Variants in INTS14 observed in about 807,000 individuals in gnomAD.
INTS14 encodes integrator complex subunit 14, also known as UPF0464 protein C15orf44.
In INTS14, 27 loss-of-function variants were observed where a neutral mutation model predicts 56.9. The observed-to-expected ratio is 0.47, with a 90% CI of 0.35 to 0.65. INTS14 has a LOEUF of 0.65. Ranked by LOEUF, INTS14 falls within the 30% of genes least tolerant of loss-of-function variation. The probability of loss-of-function intolerance (pLI) is 0.00; values close to 1 mark genes in which losing one functional copy is unlikely to be tolerated. For synonymous variants in INTS14, 207 were observed against 236.2 expected, an observed-to-expected ratio of 0.88 and a Z score of 1.13; for missense variants, 517 against 632.2, an observed-to-expected ratio of 0.82 and a Z score of 1.95.
Position 65,595,810 on chromosome 15 carries a change from C to T in INTS14, c.764G>A (p.Gly255Glu). Residue 255 changes from glycine to glutamate, a missense_variant, in exon 7 of 12, where the codon GGA becomes GAA. Gly to Glu is a moderately conservative substitution (Grantham distance 98). Transcript: ENST00000313182. ...KVINTDLEIV[G>E]FIDIADISSP... The stretch of plus-strand genomic sequence containing the variant: ...TGAAATATCAGCTATATCAATAAAT[C>T]CCACTATTTCCAAATCTGAAATGAA... The T allele has an allele frequency of 6.2e-7, 1 of 1,602,438 alleles. No individual in the cohort carries two copies. The highest frequency in any genetic ancestry group is 8.5e-7 in the Non-Finnish European group (1 of 1,176,694).
At chr15:65,587,468 T>C (rs2072867939) in intron 9 of INTS14, among the ~76,000 whole-genome samples, 1 of 152,104 alleles carries the variant, frequency 6.6e-6, no homozygotes, top group Non-Finnish European at 1.5e-5. Context: ...GGACAAAAAG[T>C]TGCAAAACAA....
intron 5 of INTS14, 46 bp from the exon 6 acceptor site, chr15:65,598,509 T>C (rs1440378480): frequency 2.6e-6 from 4 of 1,568,116 alleles, no homozygotes; most frequent in East Asian, 4.5e-5. Flanking sequence ...ATACGATACA[T>C]ATGAAGTTAA....
Position 65,591,479 on chromosome 15 carries a change from C to G in INTS14, c.1120+119G>C, listed in dbSNP as rs1002447990. The G allele has an allele frequency of 2.6e-5, 35 of 1,358,930 alleles. No individual in the cohort carries two copies. The South Asian group carries it at 2.9e-4, about 11-fold the overall frequency. 84.2% of individuals were successfully genotyped at this position (1,358,930 alleles called of 1,614,324 possible). On this transcript the variant is annotated intron_variant, in intron 9 of 11. Coordinates refer to ENST00000313182, the MANE Select transcript of INTS14 (RefSeq NM_001394796.1). ...TTCACCGTACACATCCAGCATCATCCGAGACCATGGCATACCAGTAAGGGA... is the reference window on the plus strand; with the variant it reads ...TTCACCGTACACATCCAGCATCATCGGAGACCATGGCATACCAGTAAGGGA...
chr15:65,588,819 T>A (rs1389698614), intron 9 of INTS14, among the ~76,000 whole-genome samples: 3 of 152,014 alleles, frequency 2.0e-5, no homozygotes, highest in Admixed American at 6.5e-5. Flanking sequence ...CCCTCTGAGG[T>A]AAGTTTTATT....
At chr15:65,610,795 C>T in intron 1 of INTS14, 1 of 1,535,430 alleles carries the variant, frequency 6.5e-7, no homozygotes, top group Non-Finnish European at 8.7e-7. Flanking sequence ...TGTATTTTTA[C>T]CTTAAAAATC....
intron 3 of INTS14, among the ~76,000 whole-genome samples, chr15:65,603,597 C>G (rs1419925614): frequency 2.6e-5 from 4 of 152,078 alleles, no homozygotes; most frequent in African/African-American, 9.7e-5. Context: ...AGGTGTGAGC[C>G]ACCATGCCTA....
intron 1 of INTS14, among the ~76,000 whole-genome samples, chr15:65,610,342 G>C (rs2073855112): frequency 6.6e-6 from 1 of 152,196 alleles, no homozygotes; most frequent in South Asian, 2.1e-4. Flanking sequence ...CTGGGCGACA[G>C]AGCGAGACTC....
chr15:65,598,255 A>T, intron 6 of INTS14, 66 bp downstream of exon 6: 1 of 1,491,568 alleles, frequency 6.7e-7, no homozygotes, highest in South Asian at 1.2e-5. Flanking sequence ...AGAGAGTAAA[A>T]GTCACAAGTC....
intron 7 of INTS14, 112 bp from the exon 8 acceptor site, chr15:65,593,684 G>C: frequency 8.0e-7 from 1 of 1,249,232 alleles, no homozygotes; most frequent in Non-Finnish European, 1.1e-6. Context: ...GAGTTCTAAG[G>C]GAATATTATA....
intron 8 of INTS14, among the ~76,000 whole-genome samples, chr15:65,592,021 G>T (rs1419461249): frequency 6.6e-6 from 1 of 152,250 alleles, no homozygotes; most frequent in African/African-American, 2.4e-5. Flanking sequence ...AGTAGCTGGA[G>T]AGGTGATGAG....
At chr15:65,579,766 A>C in intron 11 of INTS14, 107 bp from the exon 12 acceptor site, 1 of 1,432,526 alleles carries the variant, frequency 7.0e-7, no homozygotes. Flanking sequence ...TTTAGGGAGC[A>C]ATTTTATATG....
rs774891347 is a variant in INTS14, at chr15:65,607,429, T to C, written c.-49A>G. 1.7e-5 allele frequency: 27 copies of C among 1,602,368 alleles called. No individual in the cohort carries two copies. The highest frequency in any genetic ancestry group is 2.1e-5 in the Non-Finnish European group (25 of 1,171,330). The stretch of plus-strand genomic sequence containing the variant: ...CAATCAGAATGCAAACAGACAGCTA[T>C]AAACGAAGAAATGCTGCAGAAAATA... On this transcript the variant is annotated 5_prime_UTR_variant, in exon 2 of 12. Transcript: ENST00000313182.
In INTS14 at chr15:65,593,504, C is replaced by A. The variant is rs1170509130; in HGVS notation, c.910G>T (p.Gly304Cys). The A allele has an allele frequency of 6.2e-7, 1 of 1,613,704 alleles. No homozygotes were observed. Among genetic ancestry groups the A allele is most frequent in the Non-Finnish European group, 8.5e-7 (1 of 1,179,906 alleles). ...EDENSANQIA[G>C]KIPNFCVLLH... ...AGGACACAAAAGTTGGGTATTTTGC[C>A]TGCAATCTGATTGGCTGAATTTTCA... Residue 304 changes from glycine (G) to cysteine (C), a missense_variant, in exon 8 of 12, where the codon GGC (glycine) becomes TGC (cysteine). Gly to Cys is a radical substitution (Grantham distance 159). Coordinates refer to ENST00000313182, the MANE Select transcript of INTS14 (RefSeq NM_001394796.1).
rs560267609 is a variant in INTS14, at chr15:65,583,744, T to TA, written c.1239+1025dup. On this transcript the variant is annotated intron_variant, in intron 10 of 11. Transcript: ENST00000313182. ...TAGTGAAGATTCAAACAAAAAAAATTAAAAAAAATAATTTAAGAAAAGCTC... is the reference window on the plus strand; with the variant it reads ...TAGTGAAGATTCAAACAAAAAAAATTAAAAAAAAATAATTTAAGAAAAGCTC... Among the ~76,000 whole-genome samples the TA allele has an allele frequency of 1.6e-3, 250 of 151,996 alleles. 1 individual carries two copies. Among genetic ancestry groups the TA allele is most frequent in the African/African-American group, 5.5e-3 (227 of 41,430 alleles).
Position 65,598,399 on chromosome 15 carries a change from C to T in INTS14, c.670G>A (p.Asp224Asn). The change falls in exon 6 of 12, where the codon GAT becomes AAT. Residue 224 changes from aspartate to asparagine, a missense_variant. Asp to Asn is a conservative substitution (Grantham distance 23, BLOSUM62 1). Transcript: ENST00000313182. ...TCTGGCCTGGGGAAGACTTGTACATCAGCAGTTAGGTGGCCACACTTGAGA... is the reference window on the plus strand; with the variant it reads ...TCTGGCCTGGGGAAGACTTGTACATTAGCAGTTAGGTGGCCACACTTGAGA... ...AVLKCGHLTA[D>N]VQVFPRPEPF... is the part of the protein sequence containing the mutation. 1.2e-6 allele frequency: 2 copies of T among 1,614,064 alleles called. No homozygotes were observed. Among genetic ancestry groups the T allele is most frequent in the South Asian group, 1.1e-5 (1 of 91,066 alleles).
rs370615156 is a variant in INTS14, at chr15:65,599,004, C to A, written c.487-14G>T. The A allele has an allele frequency of 6.2e-7, 1 of 1,602,680 alleles. No homozygotes were observed. Among genetic ancestry groups the A allele is most frequent in the Non-Finnish European group, 8.5e-7 (1 of 1,171,282 alleles). On this transcript the variant is annotated splice_polypyrimidine_tract_variant and intron_variant, in intron 4 of 11. Transcript: ENST00000313182. Reference sequence around the variant, plus strand: ...GGTGCTCTGGAGCTATAAAGCAAAACAGATGACCCTTAAAGTGGCTGGCAC... The same window carrying A: ...GGTGCTCTGGAGCTATAAAGCAAAAAAGATGACCCTTAAAGTGGCTGGCAC...
At position 65,611,082 on chromosome 15, in the gene INTS14, C is replaced by T; in HGVS notation, c.-63+16G>A. 1 of 1,535,742 alleles carries T rather than the reference C, an allele frequency of 6.5e-7. No homozygotes were observed. Among genetic ancestry groups the T allele is most frequent in the Non-Finnish European group, 8.7e-7 (1 of 1,146,614 alleles). ...GCAGCGAAAGGCAGTCCCGGGCCCT[C>T]GGCCTCCCCACTCACCCCGTGCCCA... On this transcript the variant is annotated intron_variant, in intron 1 of 11. Transcript: ENST00000313182.
intron 9 of INTS14, among the ~76,000 whole-genome samples, chr15:65,586,104 T>C (rs990322014): frequency 2.6e-5 from 4 of 152,164 alleles, no homozygotes; most frequent in Non-Finnish European, 5.9e-5. Context: ...ATTCATTCAT[T>C]ATCTATAGTA....
chr15:65,591,351 C>T (rs899600356), intron 9 of INTS14, among the ~76,000 whole-genome samples: 1 of 152,128 alleles, frequency 6.6e-6, no homozygotes. Context: ...TAGTTTTTCA[C>T]TCTAAGCCGC....
Sources: gnomAD v4.1 joint callset for allele counts (sites outside exome capture counted in the v4.1 genomes callset) on GRCh38, gnomAD v4.1.1 for gene constraint, MANE v1.5 for transcripts, NCBI Gene and HGNC (gene_info 2026-07-23, HGNC 2026-07-21) for gene names.